Variants in MCF2L2 observed in about 807,000 individuals in gnomAD.
MCF2L2 encodes the protein probable guanine nucleotide exchange factor MCF2L2.
MCF2L2 carries 102 observed loss-of-function variants against 150.2 expected under a neutral mutation model. The observed-to-expected ratio is 0.68, with a 90% CI of 0.58 to 0.80. The LOEUF (loss-of-function observed/expected upper bound fraction) is 0.80. Ranked by LOEUF, MCF2L2 falls within the 30% of genes least tolerant of loss-of-function variation. The pLI is 0.00. For missense variants in MCF2L2, 1,256 were observed against 1,372.8 expected (o/e 0.91, Z 1.34); for synonymous variants, 465 against 491.3 (o/e 0.95, Z 0.71).
At chr3:183,238,413 G>A (rs1277340294) in intron 15 of MCF2L2, among the ~76,000 whole-genome samples, 1 of 151,858 alleles carries the variant, frequency 6.6e-6, no homozygotes, top group Non-Finnish European at 1.5e-5. Context: ...CCCTGCCTCA[G>A]ACTCCCGAGT....
At chr3:183,284,337 A>G (rs1727671462) in intron 14 of MCF2L2, among the ~76,000 whole-genome samples, 1 of 152,234 alleles carries the variant, frequency 6.6e-6, no homozygotes, top group Non-Finnish European at 1.5e-5. Context: ...CTATAAATGT[A>G]ACCTCTAGGA....
chr3:183,412,518 C>T (rs1368709352), intron 1 of MCF2L2, among the ~76,000 whole-genome samples: 1 of 151,944 alleles, frequency 6.6e-6, no homozygotes, highest in Non-Finnish European at 1.5e-5. Context: ...AACCTGGTCT[C>T]AAACTCCTGA....
rs142803679 is a variant in MCF2L2 at position 183,316,825 on chromosome 3, C to A, written c.753+1243G>T. Among the ~76,000 whole-genome samples the A allele has an allele frequency of 5.9e-3, 904 of 152,156 alleles. 40 individuals carry two copies. The South Asian group carries it at 0.09, about 15-fold the overall frequency. On this transcript the variant is annotated intron_variant, in intron 7 of 29. Coordinates refer to ENST00000328913, the MANE Select transcript of MCF2L2 (RefSeq NM_015078.4). ...GCTTCAAGCAATTCTTTCACCTCAG[C>A]CTCCTGAGTAGCTGGGATTACAGGC...
chr3:183,291,215 C>T (rs1044634860), intron 13 of MCF2L2, among the ~76,000 whole-genome samples: 2 of 152,122 alleles, frequency 1.3e-5, no homozygotes, highest in Non-Finnish European at 2.9e-5. Context: ...GACTGAGAAG[C>T]GCCTGTCCTT....
At chr3:183,400,358 T>G (rs955994893) in intron 1 of MCF2L2, 1 of 453,794 alleles carries the variant, frequency 2.2e-6, no homozygotes, top group African/African-American at 2.0e-5. Context: ...TACCTTTTTT[T>G]GCCATATATT....
chr3:183,304,143 C>T (rs578156798), intron 10 of MCF2L2, among the ~76,000 whole-genome samples: 38 of 152,234 alleles, frequency 2.5e-4, no homozygotes, highest in Non-Finnish European at 4.4e-4. Context: ...TTTCTCTGTG[C>T]TTCTCTTGAT....
rs570343970 is a variant in MCF2L2, at chr3:183,353,731, G to A, written c.276-12101C>T. 4.0e-3 allele frequency among the ~76,000 whole-genome samples: 605 copies of A among 152,172 alleles called. 4 individuals carry two copies. Among genetic ancestry groups the A allele is most frequent in the Non-Finnish European group, 6.6e-3 (447 of 68,010 alleles). ...TCCCACCAGGCCCCACCTCCAACAC[G>A]GGATTACAACTTGACCTGAGATTCG... On this transcript the variant is annotated intron_variant, in intron 3 of 29. Transcript: ENST00000328913.
intron 14 of MCF2L2, among the ~76,000 whole-genome samples, chr3:183,286,033 T>C (rs1441640856): frequency 1.2e-4 from 19 of 152,200 alleles, no homozygotes; most frequent in Admixed American, 1.2e-3. Context: ...ATGACGTCAG[T>C]GAGCCAAGTG....
chr3:183,283,254 G>C lies in MCF2L2; in HGVS notation c.1776+5866C>G, dbSNP rs1727604278. Among the ~76,000 whole-genome samples the C allele has an allele frequency of 1.3e-5, 2 of 152,200 alleles. No individual in the cohort carries two copies. Among genetic ancestry groups the C allele is most frequent in the South Asian group, 4.1e-4 (2 of 4,836 alleles). On this transcript the variant is annotated intron_variant, in intron 14 of 29. Coordinates refer to ENST00000328913, the MANE Select transcript of MCF2L2 (RefSeq NM_015078.4). The surrounding 1 kb of genome is among the most constrained non-coding windows in gnomAD (Gnocchi z 4.2). Reference sequence around the variant, plus strand: ...CTCACCACTGATGTCTCAGCTGACTGTGACAACTGCCAGCGGCTGGTCAGC... The same window carrying C: ...CTCACCACTGATGTCTCAGCTGACTCTGACAACTGCCAGCGGCTGGTCAGC...
At chr3:183,359,921 T>C (rs1232728673) in intron 3 of MCF2L2, among the ~76,000 whole-genome samples, 1 of 152,202 alleles carries the variant, frequency 6.6e-6, no homozygotes, top group East Asian at 1.9e-4. Flanking sequence ...GTGCAAAAGA[T>C]GTATCTTCAG....
chr3:183,207,261 A>G (rs9864865), intron 23 of MCF2L2, among the ~76,000 whole-genome samples: 134,966 of 152,210 alleles, frequency 0.89, 60,286 homozygotes, highest in East Asian at 1. Flanking sequence ...GTTGAGAAGG[A>G]CAAGTCTAAG....
intron 15 of MCF2L2, among the ~76,000 whole-genome samples, chr3:183,256,036 A>G (rs1358107923): frequency 6.6e-6 from 1 of 152,228 alleles, no homozygotes; most frequent in African/African-American, 2.4e-5. Context: ...ACTGGGAGAA[A>G]TTCAGAGGGA....
chr3:183,207,595 G>A lies in MCF2L2; in HGVS notation c.2712+13C>T. ...CATAGGGCGACTCCCAGATGCAATA[G>A]GACTCCCTTTACCTTCATGGTCTTC... On this transcript the variant is annotated intron_variant, in intron 23 of 29. Coordinates refer to ENST00000328913, the MANE Select transcript of MCF2L2 (RefSeq NM_015078.4). 1 of 1,593,320 alleles carries A rather than the reference G, an allele frequency of 6.3e-7. No individual in the cohort carries two copies. Among genetic ancestry groups the A allele is most frequent in the East Asian group, 2.2e-5 (1 of 44,780 alleles).
intron 3 of MCF2L2, among the ~76,000 whole-genome samples, chr3:183,360,352 G>A (rs1396205599): frequency 6.6e-6 from 1 of 152,116 alleles, no homozygotes; most frequent in African/African-American, 2.4e-5. Flanking sequence ...AGGGTCACTT[G>A]AGCCCAGGAG....
At chr3:183,240,500 G>T (rs9843860) in intron 15 of MCF2L2, among the ~76,000 whole-genome samples, 7 of 152,026 alleles carry the variant, frequency 4.6e-5, no homozygotes, top group African/African-American at 1.5e-4. Flanking sequence ...TTACAGGTGT[G>T]AGAAACCACG....
chr3:183,202,777 A>G (rs1381678837), intron 25 of MCF2L2, among the ~76,000 whole-genome samples: 1 of 152,260 alleles, frequency 6.6e-6, no homozygotes, highest in Non-Finnish European at 1.5e-5. Context: ...AACAAACAGT[A>G]GAGGTGGGAA....
chr3:183,216,716 T>C (rs1210858113), intron 21 of MCF2L2, among the ~76,000 whole-genome samples: 1 of 148,444 alleles, frequency 6.7e-6, no homozygotes, highest in Non-Finnish European at 1.5e-5. Flanking sequence ...GCAATTCTCC[T>C]GTCTCAGCCT....
At position 183,270,563 on chromosome 3, in the gene MCF2L2, A is replaced by C; in HGVS notation, c.1862+6309T>G. The C allele has an allele frequency of 1.2e-6, 2 of 1,614,192 alleles. No individual in the cohort carries two copies. Among genetic ancestry groups the C allele is most frequent in the Non-Finnish European group, 1.7e-6 (2 of 1,180,040 alleles). On this transcript the variant is annotated intron_variant, in intron 15 of 29. Coordinates refer to ENST00000328913, the MANE Select transcript of MCF2L2 (RefSeq NM_015078.4). This position sits in a 1 kb window ranked among gnomAD's most constrained non-coding sequence, Gnocchi z 4.5. Reference sequence around the variant, plus strand: ...CAGCTTACCCTGACTACACAGCCGGAGCTGCCTATGTAATCTCCGGTGATG... The same window carrying C: ...CAGCTTACCCTGACTACACAGCCGGCGCTGCCTATGTAATCTCCGGTGATG...
intron 7 of MCF2L2, among the ~76,000 whole-genome samples, chr3:183,315,569 A>G (rs1446833412): frequency 4.6e-5 from 7 of 152,224 alleles, no homozygotes; most frequent in African/African-American, 1.7e-4. Flanking sequence ...TGTGGCCTCC[A>G]AGGTTACTCC....
Sources: gnomAD v4.1 joint callset for allele counts (sites outside exome capture counted in the v4.1 genomes callset) on GRCh38, gnomAD v4.1.1 for gene constraint, Gnocchi (gnomAD v3.1) non-coding constraint, MANE v1.5 for transcripts, NCBI Gene and HGNC (gene_info 2026-07-23, HGNC 2026-07-21) for gene names.